The following PDE3A variants were observed in gnomAD, a reference collection of about 807,000 sequenced individuals.
PDE3A encodes phosphodiesterase 3A.
PDE3A carries 43 observed loss-of-function variants against 98.3 expected under a neutral mutation model. The observed-to-expected ratio is 0.44, with a 90% confidence interval of 0.34 to 0.56. PDE3A has a LOEUF of 0.56. Ranked by LOEUF, PDE3A falls within the 20% of genes least tolerant of loss-of-function variation. The pLI is 0.01. For missense variants in PDE3A, 1,427 were observed against 1,440.7 expected (o/e 0.99, Z 0.15); for synonymous variants, 663 against 567.9 (o/e 1.17, Z -2.38).
intron 3 of PDE3A, among the ~76,000 whole-genome samples, chr12:20,614,084 C>G (rs2121455939): frequency 6.6e-6 from 1 of 152,268 alleles, no homozygotes; most frequent in South Asian, 2.1e-4. Context: ...TCATTGACTC[C>G]TAAAGCTAAA....
At chr12:20,504,003 T>C (rs148576566) in intron 1 of PDE3A, among the ~76,000 whole-genome samples, 1 of 152,228 alleles carries the variant, frequency 6.6e-6, no homozygotes, top group East Asian at 1.9e-4. Flanking sequence ...TAGGGATTGT[T>C]CATATCAGAA....
Position 20,385,983 on chromosome 12 carries a change from T to TAATATATATATAAATATATATATA in PDE3A, c.960+15749_960+15750insTAAATATATATATAAATATATATA, listed in dbSNP as rs1565532260. 5.7e-4 allele frequency among the ~76,000 whole-genome samples: 40 copies of TAATATATATATAAATATATATATA among 69,894 alleles called. 3 individuals carry two copies. The highest frequency in any genetic ancestry group is 1.7e-3 in the African/African-American group (35 of 20,112). 45.9% of individuals were successfully genotyped at this position (69,894 alleles called of 152,430 possible). The stretch of plus-strand genomic sequence containing the variant: ...ATTAATTATATTAATTATTAATATA[T>TAATATATATATAAATATATATATA]AATATATATAAAATATATATATAAA... On this transcript the variant is annotated intron_variant, in intron 1 of 15. Coordinates refer to ENST00000359062, the MANE Select transcript of PDE3A (RefSeq NM_000921.5).
chr12:20,505,626 G>C (rs1472287273), intron 1 of PDE3A, among the ~76,000 whole-genome samples: 10 of 152,038 alleles, frequency 6.6e-5, no homozygotes, highest in Non-Finnish European at 1.0e-4. Context: ...TGGTAAATTA[G>C]ACAAAGCAGA....
chr12:20,394,057 A>G (rs1943965579), intron 1 of PDE3A, among the ~76,000 whole-genome samples: 2 of 152,124 alleles, frequency 1.3e-5, no homozygotes, highest in Admixed American at 1.3e-4. Context: ...CCACGCAAGC[A>G]TTTACTTTCC....
chr12:20,492,437 G>T (rs566886123), intron 1 of PDE3A, among the ~76,000 whole-genome samples: 42 of 152,282 alleles, frequency 2.8e-4, no homozygotes, highest in African/African-American at 9.9e-4. Context: ...AGTCTGGGCA[G>T]GAAATAGATG....
intron 1 of PDE3A, among the ~76,000 whole-genome samples, chr12:20,403,796 A>G (rs1195038117): frequency 1.3e-5 from 2 of 152,118 alleles, no homozygotes; most frequent in East Asian, 1.9e-4. Flanking sequence ...AGGACTATCA[A>G]TTCTAATAAA....
intron 1 of PDE3A, among the ~76,000 whole-genome samples, chr12:20,432,279 T>C (rs1413351530): frequency 1.3e-5 from 2 of 152,170 alleles, no homozygotes; most frequent in Non-Finnish European, 2.9e-5. Flanking sequence ...TTCTATGAGA[T>C]GCTGGAAGAT....
At chr12:20,538,011 A>G (rs781159835) in intron 1 of PDE3A, among the ~76,000 whole-genome samples, 2 of 152,160 alleles carry the variant, frequency 1.3e-5, no homozygotes, top group Non-Finnish European at 2.9e-5. Flanking sequence ...CCAAACGCAT[A>G]ATAGAAATTG....
At position 20,684,961 on chromosome 12, in the gene PDE3A, T is replaced by C. The variant is rs1386572818; in HGVS notation, c.*4690T>C. On this transcript the variant is annotated 3_prime_UTR_variant, in exon 16 of 16. Transcript: ENST00000359062. ...ATTTTCCAGTCTATGTTATGCACCA[T>C]GGATGTTAGGCAATGTGTGCTATTG... Among the ~76,000 whole-genome samples the C allele has an allele frequency of 1.3e-5, 2 of 152,218 alleles. No individual in the cohort carries two copies. The highest frequency in any genetic ancestry group is 3.9e-4 in the East Asian group (2 of 5,192).
At chr12:20,637,492 G>A (rs746180557) in intron 9 of PDE3A, among the ~76,000 whole-genome samples, 17 of 151,138 alleles carry the variant, frequency 1.1e-4, no homozygotes, top group Non-Finnish European at 2.1e-4. Flanking sequence ...GAGATATATA[G>A]ACAAGGGACA....
At position 20,596,757 on chromosome 12, in the gene PDE3A, AAAG is replaced by A. The variant is rs1339437479; in HGVS notation, c.1012-16681_1012-16679del. Among the ~76,000 whole-genome samples, 33 of 152,298 alleles carry A rather than the reference AAAG, an allele frequency of 2.2e-4. 1 individual carries two copies. The highest frequency in any genetic ancestry group is 7.0e-4 in the African/African-American group (29 of 41,574). On this transcript the variant is annotated intron_variant, in intron 2 of 15. Coordinates refer to ENST00000359062, the MANE Select transcript of PDE3A (RefSeq NM_000921.5). ...GGGAAGAGTCTAATTTGACATTTTC[AAAG>A]AAGATGTGAAAGAAGGGAGTCAACC...
chr12:20,635,112 G>A, intron 8 of PDE3A, 56 bp downstream of exon 8: 2 of 1,479,340 alleles, frequency 1.4e-6, no homozygotes, highest in Non-Finnish European at 9.3e-7. Context: ...TTCTGTTACA[G>A]ATATTGGCTC....
chr12:20,508,932 G>T (rs1232387451), intron 1 of PDE3A, among the ~76,000 whole-genome samples: 1 of 151,742 alleles, frequency 6.6e-6, no homozygotes, highest in African/African-American at 2.4e-5. Flanking sequence ...CATTCTTACA[G>T]GTTAAGGAAT....
intron 8 of PDE3A, 24 bp downstream of exon 8, chr12:20,635,080 C>G: frequency 6.3e-7 from 1 of 1,588,336 alleles, no homozygotes; most frequent in East Asian, 2.2e-5. Flanking sequence ...ACTTAACTCA[C>G]TCATTTACTT....
chr12:20,655,744 G>A (rs1458399558), intron 15 of PDE3A, among the ~76,000 whole-genome samples: 3 of 152,178 alleles, frequency 2.0e-5, no homozygotes, highest in Admixed American at 2.0e-4. Flanking sequence ...AGAGTTAGTA[G>A]ACTCAACTTA....
rs536966004 is a variant in PDE3A, at chr12:20,425,881, G to A, written c.960+55637G>A. On this transcript the variant is annotated intron_variant, in intron 1 of 15. Transcript: ENST00000359062. ...TAAATCCTGGCTGTGCTTCTTACAG[G>A]TTGTGTGATTTGTGGTAAGTTACTT... 2.0e-4 allele frequency among the ~76,000 whole-genome samples: 30 copies of A among 152,238 alleles called. 1 individual carries two copies. The South Asian group carries it at 5.8e-3, about 29-fold the overall frequency.
intron 1 of PDE3A, among the ~76,000 whole-genome samples, chr12:20,486,356 C>T (rs1419064113): frequency 6.6e-6 from 1 of 152,104 alleles, no homozygotes; most frequent in Non-Finnish European, 1.5e-5. Flanking sequence ...CTTGAGAACT[C>T]ACTATCATGA....
At chr12:20,455,586 C>G (rs1189850067) in intron 1 of PDE3A, among the ~76,000 whole-genome samples, 1 of 152,104 alleles carries the variant, frequency 6.6e-6, no homozygotes, top group African/African-American at 2.4e-5. Flanking sequence ...TGAGAGCAAG[C>G]CCTCTTGTTT....
At chr12:20,535,378 T>C (rs76992475) in intron 1 of PDE3A, among the ~76,000 whole-genome samples, 1 of 152,168 alleles carries the variant, frequency 6.6e-6, no homozygotes, top group African/African-American at 2.4e-5. Flanking sequence ...CCCATTCATA[T>C]GTGGAGGAAT....
Sources: allele counts gnomAD v4.1 joint callset (sites outside exome capture counted in the v4.1 genomes callset), GRCh38; gene constraint gnomAD v4.1.1; transcripts MANE v1.5; gene names NCBI Gene and HGNC (gene_info 2026-07-23, HGNC 2026-07-21).